TNFSF4: variants seen among roughly 807,000 people sequenced by gnomAD.
The protein encoded by TNFSF4 is tumor necrosis factor ligand superfamily member 4.
TNFSF4 carries 4 observed loss-of-function variants against 7.3 expected under a neutral mutation model. The observed-to-expected ratio is 0.55, with a 90% CI of 0.27 to 1.25. The LOEUF is 1.25. TNFSF4 is among the 50% of genes most tolerant of loss of function. The pLI is 0.12. For synonymous variants in TNFSF4, 76 were observed against 83.7 expected, an observed-to-expected ratio of 0.91 and a Z score of 0.50; for missense variants, 181 against 208.8, an observed-to-expected ratio of 0.87 and a Z score of 0.82.
the TNFSF4 span, among the ~76,000 whole-genome samples, chr1:173,214,578 T>C: frequency 6.6e-6 from 1 of 151,976 alleles, no homozygotes; most frequent in Non-Finnish European, 1.5e-5. Flanking sequence ...TGATAGCTAA[T>C]GAGCTAAAAA....
the TNFSF4 span, among the ~76,000 whole-genome samples, chr1:173,410,652 T>G: frequency 4.8e-4 from 73 of 152,334 alleles, no homozygotes; most frequent in African/African-American, 1.6e-3. Flanking sequence ...TGAGCATGTC[T>G]AAGTGAGCCC....
chr1:173,230,304 C>T, the TNFSF4 span, among the ~76,000 whole-genome samples: 1 of 152,218 alleles, frequency 6.6e-6, no homozygotes, highest in Non-Finnish European at 1.5e-5. Context: ...TACATGTAAA[C>T]TGAACAACCT....
At chr1:173,399,571 T>G in the TNFSF4 span, among the ~76,000 whole-genome samples, 1 of 151,822 alleles carries the variant, frequency 6.6e-6, no homozygotes, top group Non-Finnish European at 1.5e-5. Context: ...ACAAAGAAAT[T>G]TAAAGAAGTG....
the TNFSF4 span, among the ~76,000 whole-genome samples, chr1:173,238,761 C>T: frequency 6.6e-6 from 1 of 151,978 alleles, no homozygotes; most frequent in Non-Finnish European, 1.5e-5. Flanking sequence ...AACAGATGCT[C>T]ATGAGGTAGT....
chr1:173,218,765 G>A, the TNFSF4 span, among the ~76,000 whole-genome samples: 2 of 152,006 alleles, frequency 1.3e-5, no homozygotes, highest in Non-Finnish European at 2.9e-5. Flanking sequence ...ACAGAAAAGT[G>A]TATTCATTTT....
chr1:173,323,661 C>G, the TNFSF4 span, among the ~76,000 whole-genome samples: 1 of 152,058 alleles, frequency 6.6e-6, no homozygotes, highest in Non-Finnish European at 1.5e-5. Flanking sequence ...GAGGAGAAGT[C>G]CTTAAAGGAC....
At chr1:173,246,893 C>T in the TNFSF4 span, among the ~76,000 whole-genome samples, 23 of 152,314 alleles carry the variant, frequency 1.5e-4, no homozygotes, top group Admixed American at 5.9e-4. Flanking sequence ...CAAACATTCC[C>T]AAGTCTAAGA....
the TNFSF4 span, among the ~76,000 whole-genome samples, chr1:173,308,281 CTCTCTGTGTG>C: frequency 1.4e-5 from 2 of 138,778 alleles, no homozygotes; most frequent in Non-Finnish European, 3.2e-5. Context: ...CTCTCTCTCT[CTCTCTGTGTG>C]TGTGTGTGTG....
chr1:173,210,571 A>G (rs928691365), upstream of TNFSF4, among the ~76,000 whole-genome samples: 3 of 152,210 alleles, frequency 2.0e-5, no homozygotes, highest in Non-Finnish European at 2.9e-5. Context: ...GTTACAAGTT[A>G]AGGACTTTGG....
chr1:173,227,624 A>G, the TNFSF4 span, among the ~76,000 whole-genome samples: 1 of 152,346 alleles, frequency 6.6e-6, no homozygotes, highest in Admixed American at 6.5e-5. Context: ...AACGTGAGCC[A>G]AAGCAGGGCG....
chr1:173,427,525 A>G, the TNFSF4 span, among the ~76,000 whole-genome samples: 61 of 152,294 alleles, frequency 4.0e-4, no homozygotes, highest in African/African-American at 1.4e-3. Context: ...CTACACTGAC[A>G]GTGTAAAGAA....
At chr1:173,231,387 A>C in the TNFSF4 span, among the ~76,000 whole-genome samples, 1 of 152,226 alleles carries the variant, frequency 6.6e-6, no homozygotes, top group Non-Finnish European at 1.5e-5. Flanking sequence ...CTTTGACAAA[A>C]TTCAATAGCC....
chr1:173,198,822 G>C (rs1268944379), intron 1 of TNFSF4, among the ~76,000 whole-genome samples: 1 of 152,158 alleles, frequency 6.6e-6, no homozygotes, highest in Non-Finnish European at 1.5e-5. Context: ...TCTGTGGGGG[G>C]CTAAATAATC....
chr1:173,298,762 C>A, the TNFSF4 span, among the ~76,000 whole-genome samples: 2 of 151,900 alleles, frequency 1.3e-5, no homozygotes, highest in Non-Finnish European at 2.9e-5. Context: ...AAAATATCAT[C>A]ATCACTAATT....
intron 1 of TNFSF4, among the ~76,000 whole-genome samples, chr1:173,200,839 T>A (rs1649913833): frequency 2.0e-5 from 3 of 152,188 alleles, no homozygotes; most frequent in Admixed American, 2.0e-4. Flanking sequence ...AACCACAAGA[T>A]CTTATTAAAT....
chr1:173,412,851 G>A, the TNFSF4 span, among the ~76,000 whole-genome samples: 3 of 152,122 alleles, frequency 2.0e-5, no homozygotes, highest in Non-Finnish European at 2.9e-5. Flanking sequence ...TGTATACAAC[G>A]GATTTTATGT....
At chr1:173,202,339 T>G (rs961422374) in intron 1 of TNFSF4, among the ~76,000 whole-genome samples, 1 of 152,194 alleles carries the variant, frequency 6.6e-6, no homozygotes. Flanking sequence ...TCTGTCCTAT[T>G]TTGAATACCC....
At chr1:173,242,084 T>G in the TNFSF4 span, among the ~76,000 whole-genome samples, 1 of 152,190 alleles carries the variant, frequency 6.6e-6, no homozygotes, top group Non-Finnish European at 1.5e-5. Context: ...TTTTTTCTAC[T>G]AATCATACTT....
At chr1:173,351,685 C>A in the TNFSF4 span, 21 of 323,450 alleles carry the variant, frequency 6.5e-5, no homozygotes, top group Middle Eastern at 4.4e-3. Flanking sequence ...GCACTAAATG[C>A]CCATATCAAT....
Sources: gnomAD v4.1 joint callset for allele counts (sites outside exome capture counted in the v4.1 genomes callset) on GRCh38, gnomAD v4.1.1 for gene constraint, MANE v1.5 for transcripts, NCBI Gene and HGNC (gene_info 2026-07-23, HGNC 2026-07-21) for gene names.